The following ZNRF2 variants were observed in gnomAD, a reference collection of about 807,000 sequenced individuals.
The protein encoded by ZNRF2 is E3 ubiquitin-protein ligase ZNRF2.
In ZNRF2, 16 loss-of-function variants were observed where a neutral mutation model predicts 20.4. That is an observed-to-expected ratio of 0.79 (90% CI 0.53 to 1.19). ZNRF2 has a LOEUF of 1.19. ZNRF2 is among the 50% of genes most tolerant of loss of function. ZNRF2 has a pLI of 0.00. For missense variants in ZNRF2, 363 were observed against 332.4 expected (o/e 1.09, Z -0.72); for synonymous variants, 178 against 144.9 (o/e 1.23, Z -1.64).
At chr7:30,307,844 T>C (rs1043151801) in intron 1 of ZNRF2, among the ~76,000 whole-genome samples, 9 of 152,318 alleles carry the variant, frequency 5.9e-5, no homozygotes, top group African/African-American at 1.7e-4. Context: ...TTAAAACTTA[T>C]AGTAGACTTT....
At chr7:30,325,191 A>T (rs1334941792) in intron 2 of ZNRF2, among the ~76,000 whole-genome samples, 1 of 152,216 alleles carries the variant, frequency 6.6e-6, no homozygotes, top group Admixed American at 6.5e-5. Flanking sequence ...AGGAAAAATG[A>T]AAGTTGTTTT....
intron 2 of ZNRF2, among the ~76,000 whole-genome samples, chr7:30,328,313 T>C (rs927675110): frequency 3.3e-5 from 5 of 152,236 alleles, no homozygotes; most frequent in Admixed American, 6.5e-5. Context: ...TATATTTGAA[T>C]TCCTACATGT....
intron 1 of ZNRF2, among the ~76,000 whole-genome samples, chr7:30,319,170 T>C (rs1253920259): frequency 6.6e-6 from 1 of 152,048 alleles, no homozygotes; most frequent in Non-Finnish European, 1.5e-5. Flanking sequence ...GACAGAGTCT[T>C]ACCCTGTTGC....
At chr7:30,332,385 G>T (rs796240071) in intron 2 of ZNRF2, among the ~76,000 whole-genome samples, 7 of 151,926 alleles carry the variant, frequency 4.6e-5, no homozygotes, top group African/African-American at 1.7e-4. Flanking sequence ...AAAAATTTCG[G>T]TTGAGGAGGT....
chr7:30,354,691 A>G (rs760535676), intron 2 of ZNRF2, among the ~76,000 whole-genome samples: 1 of 152,174 alleles, frequency 6.6e-6, no homozygotes, highest in African/African-American at 2.4e-5. Context: ...ACCGTTTAGC[A>G]TATTTGATTT....
intron 2 of ZNRF2, among the ~76,000 whole-genome samples, chr7:30,336,114 T>C (rs956450808): frequency 6.6e-6 from 1 of 152,208 alleles, no homozygotes. Flanking sequence ...AGTAAAGATA[T>C]TACAAAGGAT....
chr7:30,334,744 C>T (rs1799690959), intron 2 of ZNRF2, among the ~76,000 whole-genome samples: 1 of 152,016 alleles, frequency 6.6e-6, no homozygotes, highest in South Asian at 2.1e-4. Flanking sequence ...TAGAAAACTA[C>T]TGCTATCATA....
At chr7:30,330,629 G>C (rs1799623391) in intron 2 of ZNRF2, among the ~76,000 whole-genome samples, 1 of 151,976 alleles carries the variant, frequency 6.6e-6, no homozygotes, top group Non-Finnish European at 1.5e-5. Context: ...AGGGAGTTGA[G>C]GTACTATTAT....
chr7:30,365,849 T>C (rs1583602161), intron 4 of ZNRF2, among the ~76,000 whole-genome samples, 186 bp from the exon 5 acceptor site: 1 of 152,156 alleles, frequency 6.6e-6, no homozygotes, highest in South Asian at 2.1e-4. Flanking sequence ...TTGCGTGTAG[T>C]CCTTATTGTG....
chr7:30,334,850 T>G (rs1229519207), intron 2 of ZNRF2, among the ~76,000 whole-genome samples: 1 of 152,186 alleles, frequency 6.6e-6, no homozygotes, highest in Non-Finnish European at 1.5e-5. Context: ...ATACAAAGTT[T>G]AGATTTGATA....
intron 2 of ZNRF2, among the ~76,000 whole-genome samples, chr7:30,330,989 C>T (rs927004304): frequency 4.6e-5 from 7 of 152,146 alleles, no homozygotes; most frequent in African/African-American, 1.7e-4. Context: ...ATACAGCTTA[C>T]ATTGTAAGGC....
intron 1 of ZNRF2, among the ~76,000 whole-genome samples, chr7:30,311,582 TAAG>T (rs1799293277): frequency 6.6e-6 from 1 of 152,164 alleles, no homozygotes; most frequent in Non-Finnish European, 1.5e-5. Flanking sequence ...GCAGATGTGT[TAAG>T]AAAGTTGCGC....
chr7:30,285,757 G>A lies in ZNRF2; in HGVS notation c.400G>A (p.Gly134Arg), dbSNP rs1326330641. Residue 134 changes from glycine to arginine, a missense_variant, in exon 1 of 5, where the codon GGG becomes AGG. Physicochemically the swap from Gly to Arg is moderately radical, Grantham distance 125. Around this residue, in one of 2 missense-constraint regions of ZNRF2, gnomAD observed 302 missense variants for 231.5 expected, o/e 1.30. Coordinates refer to ENST00000323037, the MANE Select transcript of ZNRF2 (RefSeq NM_147128.4). ...GGGGRDRPVG[G>R]SPGGPRLVIG... ...CGGCGGCCGGGACCGGCCGGTGGGC[G>A]GGAGCCCCGGCGGGCCGCGCCTGGT... 3 of 1,482,486 alleles carry A rather than the reference G, an allele frequency of 2.0e-6. No individual in the cohort carries two copies. Among genetic ancestry groups the A allele is most frequent in the Non-Finnish European group, 2.7e-6 (3 of 1,123,174 alleles). 91.8% of individuals were successfully genotyped at this position (1,482,486 alleles called of 1,614,324 possible). A position where few individuals can be genotyped will look rare whatever the true frequency, so the allele number is the denominator to read the frequency against.
At chr7:30,299,330 A>G (rs1799070274) in intron 1 of ZNRF2, among the ~76,000 whole-genome samples, 1 of 151,946 alleles carries the variant, frequency 6.6e-6, no homozygotes. Context: ...GAGGCAGGAG[A>G]ATTGCTTGAA....
At position 30,285,212 on chromosome 7, in the gene ZNRF2, TG is replaced by T; in HGVS notation, c.-144del. ...GCGCGCCGGGCGCCGACTGCCCCTC[TG>T]GACGCCGGGCGGCGGCCCTGGACGT... On this transcript the variant is annotated 5_prime_UTR_variant, in exon 1 of 5. Coordinates refer to ENST00000323037, the MANE Select transcript of ZNRF2 (RefSeq NM_147128.4). The T allele has an allele frequency of 3.4e-6, 2 of 584,902 alleles. No individual in the cohort carries two copies. The highest frequency in any genetic ancestry group is 4.8e-6 in the Non-Finnish European group (2 of 413,098). 36.2% of individuals were successfully genotyped at this position (584,902 alleles called of 1,614,324 possible).
At chr7:30,292,698 G>A (rs1798932975) in intron 1 of ZNRF2, among the ~76,000 whole-genome samples, 2 of 152,006 alleles carry the variant, frequency 1.3e-5, no homozygotes, top group South Asian at 4.1e-4. Flanking sequence ...GAGGATCTCT[G>A]GGGTAAAAAC....
At chr7:30,300,393 C>T (rs563956933) in intron 1 of ZNRF2, among the ~76,000 whole-genome samples, 46 of 152,114 alleles carry the variant, frequency 3.0e-4, no homozygotes, top group African/African-American at 9.9e-4. Flanking sequence ...GTGATCCACC[C>T]GCCTCGGCCT....
chr7:30,295,604 A>G (rs180893788), intron 1 of ZNRF2, among the ~76,000 whole-genome samples: 77 of 152,264 alleles, frequency 5.1e-4, no homozygotes, highest in African/African-American at 1.8e-3. Flanking sequence ...CAGCTACTCC[A>G]GAGGCTGAAG....
At chr7:30,339,781 T>G (rs534865712) in intron 2 of ZNRF2, among the ~76,000 whole-genome samples, 1 of 152,276 alleles carries the variant, frequency 6.6e-6, no homozygotes, top group Non-Finnish European at 1.5e-5. Flanking sequence ...TTTAAAATAG[T>G]TTTGTCTAAT....
Sources: allele counts gnomAD v4.1 joint callset (sites outside exome capture counted in the v4.1 genomes callset), GRCh38; gene constraint gnomAD v4.1.1; regional missense constraint gnomAD v4.1.1; transcripts MANE v1.5; gene names NCBI Gene and HGNC (gene_info 2026-07-23, HGNC 2026-07-21).